TRAPPC8: variants seen among roughly 807,000 people sequenced by gnomAD.
TRAPPC8 encodes general sporulation gene 1 homolog.
A neutral mutation model predicts 174.3 loss-of-function variants in TRAPPC8; 54 were observed. The observed-to-expected ratio is 0.31, with a 90% CI of 0.25 to 0.39. The LOEUF (loss-of-function observed/expected upper bound fraction) is 0.39, where lower values mean the gene tolerates loss of function less well. Ranked by LOEUF, TRAPPC8 falls within the 10% of genes least tolerant of loss-of-function variation. The pLI is 1.00. For synonymous variants in TRAPPC8, 630 were observed against 579.9 expected, an observed-to-expected ratio of 1.09 and a Z score of -1.24; for missense variants, 1,531 against 1,699.1, an observed-to-expected ratio of 0.90 and a Z score of 1.74.
rs1291416737 is a variant in TRAPPC8 at position 31,942,952 on chromosome 18, C to G, written c.-188G>C. On this transcript the variant is annotated 5_prime_UTR_variant, in exon 1 of 29. Coordinates refer to ENST00000283351, the MANE Select transcript of TRAPPC8 (RefSeq NM_014939.5). ...GGTTTCTGGGGCACAATCCACTGAC[C>G]CCCCCCTTCCCGTCACCGCCGCTTC... The G allele has an allele frequency of 1.7e-6, 2 of 1,156,128 alleles. No homozygotes were observed. The highest frequency in any genetic ancestry group is 2.2e-6 in the Non-Finnish European group (2 of 917,334). 71.6% of individuals were successfully genotyped at this position (1,156,128 alleles called of 1,614,324 possible).
At chr18:31,938,645 A>C (rs1161828011) in intron 1 of TRAPPC8, among the ~76,000 whole-genome samples, 2 of 152,212 alleles carry the variant, frequency 1.3e-5, no homozygotes, top group African/African-American at 2.4e-5. Flanking sequence ...TTCTACCCTA[A>C]GTAAAGGCAT....
intron 1 of TRAPPC8, among the ~76,000 whole-genome samples, chr18:31,935,988 C>T (rs567355378): frequency 3.2e-4 from 48 of 151,884 alleles, no homozygotes; most frequent in African/African-American, 1.1e-3. Flanking sequence ...CCACCCACCT[C>T]GGCCTCCCAA....
chr18:31,927,868 C>T (rs888381294), intron 2 of TRAPPC8, among the ~76,000 whole-genome samples: 1 of 152,110 alleles, frequency 6.6e-6, no homozygotes, highest in African/African-American at 2.4e-5. Context: ...GGCAACATAG[C>T]AAATGAGTGG....
At chr18:31,864,830 G>A in intron 18 of TRAPPC8, 49 bp from the exon 19 acceptor site, 1 of 1,493,568 alleles carries the variant, frequency 6.7e-7, no homozygotes, top group Non-Finnish European at 9.0e-7. Flanking sequence ...TATGTTAACT[G>A]ACATCAATTT....
At position 31,904,772 on chromosome 18, in the gene TRAPPC8, G is replaced by A. The variant is rs1156610290; in HGVS notation, c.1389+2688C>T. Among the ~76,000 whole-genome samples, 6 of 152,284 alleles carry A rather than the reference G, an allele frequency of 3.9e-5. No individual in the cohort carries two copies. In the East Asian group the frequency reaches 1.2e-3, roughly 29 times the overall value. On this transcript the variant is annotated intron_variant, in intron 9 of 28. Coordinates refer to ENST00000283351, the MANE Select transcript of TRAPPC8 (RefSeq NM_014939.5). ...TGGCCAGGCCCAGTGGATCACGCCT[G>A]TAATTCTAGCACTTTGGGAGGCTGA...
Position 31,936,902 on chromosome 18 carries a change from TAAAAAAAA to T in TRAPPC8, c.158-5387_158-5380del, listed in dbSNP as rs376783471. On this transcript the variant is annotated intron_variant, in intron 1 of 28. Coordinates refer to ENST00000283351, the MANE Select transcript of TRAPPC8 (RefSeq NM_014939.5). ...GGGTGACAGAGCAAGACTCCGTCTT[TAAAAAAAA>T]AAAAAAAAAAAAAAAAAAGGAGCCA... Among the ~76,000 whole-genome samples the T allele has an allele frequency of 1.4e-3, 130 of 92,516 alleles. 2 individuals are homozygous for T. Among genetic ancestry groups the T allele is most frequent in the South Asian group, 7.1e-3 (15 of 2,120 alleles). 60.7% of individuals were successfully genotyped at this position (92,516 alleles called of 152,430 possible).
intron 12 of TRAPPC8, among the ~76,000 whole-genome samples, chr18:31,876,828 T>A (rs756095943): frequency 1.9e-4 from 29 of 152,118 alleles, no homozygotes; most frequent in Non-Finnish European, 7.4e-5. Context: ...CAGTGGCAGT[T>A]TGAGAACGTC....
intron 19 of TRAPPC8, among the ~76,000 whole-genome samples, chr18:31,858,334 C>A (rs1177105790): frequency 2.0e-5 from 3 of 152,064 alleles, no homozygotes; most frequent in African/African-American, 7.2e-5. Flanking sequence ...AGTTTTATAA[C>A]CCTTATAACT....
At chr18:31,841,591 C>T (rs2033103587) in intron 26 of TRAPPC8, among the ~76,000 whole-genome samples, 1 of 152,086 alleles carries the variant, frequency 6.6e-6, no homozygotes, top group Non-Finnish European at 1.5e-5. Context: ...AAATACAGTT[C>T]TATTTTGAAC....
chr18:31,832,176 A>G lies in TRAPPC8; in HGVS notation c.3984-3T>C, dbSNP rs754537573. 22 of 1,476,786 alleles carry G rather than the reference A, an allele frequency of 1.5e-5. 1 individual carries two copies. In the South Asian group the frequency reaches 3.1e-4, roughly 21 times the overall value. 91.5% of individuals were successfully genotyped at this position (1,476,786 alleles called of 1,614,324 possible). ...GAGTGACTGGTACTAAACAAAGGCT[A>G]TGGAAGAAAAATAAACAAAAAAGTT... On this transcript the variant is annotated splice_polypyrimidine_tract_variant and splice_region_variant and intron_variant, in intron 27 of 28. Transcript: ENST00000283351.
intron 2 of TRAPPC8, among the ~76,000 whole-genome samples, chr18:31,929,643 T>G (rs1393018149): frequency 6.6e-6 from 1 of 152,038 alleles, no homozygotes; most frequent in Non-Finnish European, 1.5e-5. Flanking sequence ...TCCAGCCTGG[T>G]TGACAGAGTG....
chr18:31,834,645 C>A (rs1014034045), intron 27 of TRAPPC8, among the ~76,000 whole-genome samples: 21 of 152,158 alleles, frequency 1.4e-4, no homozygotes, highest in African/African-American at 5.1e-4. Context: ...TTAGGTAAAA[C>A]ATGTTAAGTG....
At chr18:31,897,748 C>A in intron 11 of TRAPPC8, 38 bp downstream of exon 11, 2 of 1,352,058 alleles carry the variant, frequency 1.5e-6, no homozygotes, top group Non-Finnish European at 2.0e-6. Flanking sequence ...AAAAAAAGAA[C>A]AATGCTAATT....
At chr18:31,840,446 C>T (rs1277921792) in intron 26 of TRAPPC8, among the ~76,000 whole-genome samples, 1 of 152,030 alleles carries the variant, frequency 6.6e-6, no homozygotes, top group African/African-American at 2.4e-5. Context: ...AGAGAAACAT[C>T]CCATTTCTAC....
At chr18:31,927,198 C>T (rs553634762) in intron 2 of TRAPPC8, among the ~76,000 whole-genome samples, 15 of 152,248 alleles carry the variant, frequency 9.9e-5, no homozygotes, top group African/African-American at 3.4e-4. Context: ...CCCTTGACTT[C>T]ACAGGCTCAA....
At chr18:31,852,731 T>C in intron 22 of TRAPPC8, 68 bp from the exon 23 acceptor site, 2 of 1,214,520 alleles carry the variant, frequency 1.6e-6, no homozygotes, top group Non-Finnish European at 1.2e-6. Context: ...CAATTCATTA[T>C]TTAGACTTCC....
At chr18:31,854,037 G>T in intron 21 of TRAPPC8, 92 bp from the exon 22 acceptor site, 1 of 904,316 alleles carries the variant, frequency 1.1e-6, no homozygotes, top group Non-Finnish European at 1.7e-6. Context: ...TGCTACCAAA[G>T]TCAATGTCAA....
At chr18:31,866,340 C>T (rs534375523) in intron 18 of TRAPPC8, among the ~76,000 whole-genome samples, 9 of 151,994 alleles carry the variant, frequency 5.9e-5, no homozygotes, top group Non-Finnish European at 1.2e-4. Context: ...TTTTCCTCTT[C>T]AAAAATGTGT....
chr18:31,941,939 A>G (rs961568867), intron 1 of TRAPPC8, among the ~76,000 whole-genome samples: 4 of 152,218 alleles, frequency 2.6e-5, no homozygotes, highest in East Asian at 1.9e-4. Context: ...TTCCATCCCT[A>G]TAACTATAGA....
Sources: allele counts gnomAD v4.1 joint callset (sites outside exome capture counted in the v4.1 genomes callset), GRCh38; gene constraint gnomAD v4.1.1; transcripts MANE v1.5; gene names NCBI Gene and HGNC (gene_info 2026-07-23, HGNC 2026-07-21).